OSMR: variants seen among roughly 807,000 people sequenced by gnomAD.
OSMR encodes the protein oncostatin M receptor.
In OSMR, 81 loss-of-function variants were observed where a neutral mutation model predicts 99.9. The ratio of observed to expected loss-of-function variants is 0.81; its 90% CI spans 0.68 to 0.97. The LOEUF (loss-of-function observed/expected upper bound fraction) is 0.97, where lower values mean the gene tolerates loss of function less well. Ranked by LOEUF, OSMR falls within the 50% of genes least tolerant of loss-of-function variation. The pLI, the probability that OSMR is intolerant of heterozygous loss-of-function variation, is 0.00. For missense variants in OSMR, 1,099 were observed against 1,153.4 expected, an observed-to-expected ratio of 0.95 and a Z score of 0.68; for synonymous variants, 406 against 410.4, an observed-to-expected ratio of 0.99 and a Z score of 0.13.
intron 7 of OSMR, among the ~76,000 whole-genome samples, chr5:38,890,498 G>A (rs1221537923): frequency 6.6e-6 from 1 of 152,064 alleles, no homozygotes; most frequent in East Asian, 1.9e-4. Flanking sequence ...CTAAGCAACT[G>A]CTAGCAAGGC....
intron 9 of OSMR, among the ~76,000 whole-genome samples, chr5:38,915,069 A>T (rs1219312860): frequency 6.6e-6 from 1 of 152,228 alleles, no homozygotes; most frequent in Non-Finnish European, 1.5e-5. Flanking sequence ...GATATGATTC[A>T]CTAAATTTGA....
Position 38,884,036 on chromosome 5 carries a change from G to C in OSMR, c.628G>C (p.Gly210Arg), listed in dbSNP as rs17855841. Residue 210 changes from glycine (G) to arginine (R), a missense_variant, in exon 5 of 18, where the codon GGG becomes CGG. Transcript: ENST00000274276. ...LNSVPFIRNK[G>R]TNIYCEASQG... Reference sequence around the variant, plus strand: ...TAGTGTGCCTTTCATTAGGAATAAAGGGACAAATATCTATTGTGAGGCAAG... The same window carrying C: ...TAGTGTGCCTTTCATTAGGAATAAACGGACAAATATCTATTGTGAGGCAAG... The C allele has an allele frequency of 6.2e-6, 10 of 1,613,882 alleles. No homozygotes were observed. Among genetic ancestry groups the C allele is most frequent in the South Asian group, 1.1e-5 (1 of 91,078 alleles).
chr5:38,868,852 C>A, intron 1 of OSMR, 180 bp from the exon 2 acceptor site: 2 of 239,672 alleles, frequency 8.3e-6, no homozygotes, highest in Non-Finnish European at 1.3e-5. Flanking sequence ...TCCCATGGGG[C>A]AGGGAAATAT....
At position 38,861,628 on chromosome 5, in the gene OSMR, G is replaced by C. The variant is rs557469188; in HGVS notation, c.-13-7404G>C. ...CATCCCGGCCCGCTCTCAATGAGCTGTTGGGTTCACCTCCCAGACGGGGTG... is the reference window on the plus strand; with the variant it reads ...CATCCCGGCCCGCTCTCAATGAGCTCTTGGGTTCACCTCCCAGACGGGGTG... On this transcript the variant is annotated intron_variant, in intron 1 of 17. Coordinates refer to ENST00000274276, the MANE Select transcript of OSMR (RefSeq NM_003999.3). Among the ~76,000 whole-genome samples the C allele has an allele frequency of 2.0e-5, 3 of 152,366 alleles. No homozygotes were observed. The East Asian group carries it at 5.8e-4, about 29-fold the overall frequency.
chr5:38,870,084 A>G (rs987748318), intron 2 of OSMR, among the ~76,000 whole-genome samples: 1 of 152,012 alleles, frequency 6.6e-6, no homozygotes, highest in African/African-American at 2.4e-5. Context: ...TCTGTCTGAC[A>G]TTCCTTTCAT....
At chr5:38,928,659 A>AT (rs1156881584) in intron 15 of OSMR, among the ~76,000 whole-genome samples, 1 of 152,090 alleles carries the variant, frequency 6.6e-6, no homozygotes, top group East Asian at 1.9e-4. Flanking sequence ...GGGAGCTACA[A>AT]TTTGAGATGA....
downstream of OSMR, chr5:38,939,990 C>G (rs1457049422): frequency 4.4e-6 from 1 of 225,410 alleles, no homozygotes; most frequent in Non-Finnish European, 8.8e-6. Flanking sequence ...CATGGAGAAA[C>G]CAAATAGCAC....
intron 15 of OSMR, 86 bp from the exon 16 acceptor site, chr5:38,931,797 T>C: frequency 1.3e-6 from 2 of 1,567,558 alleles, no homozygotes; most frequent in South Asian, 2.2e-5. Context: ...ACATGTAAAA[T>C]TACTTTCAAT....
At chr5:38,881,899 A>G (rs1561362327) in intron 4 of OSMR, 135 bp downstream of exon 4, 1 of 747,296 alleles carries the variant, frequency 1.3e-6, no homozygotes, top group Admixed American at 2.4e-5. Flanking sequence ...CTCCTATGGG[A>G]ACTAAAAAAC....
chr5:38,852,097 A>G (rs1361712957), intron 1 of OSMR, among the ~76,000 whole-genome samples: 1 of 152,198 alleles, frequency 6.6e-6, no homozygotes, highest in East Asian at 1.9e-4. Context: ...ATATTTTAGA[A>G]TATTTTTCCA....
rs55964556 is a variant in OSMR at position 38,930,920 on chromosome 5, T to TTGTGTGTG, written c.2213-925_2213-918dup. ...GGGAAGATGCCCTTGCAGAAGCATT[T>TTGTGTGTG]TGTGTGTGTGTGTGTGTGTGTGTGT... On this transcript the variant is annotated intron_variant, in intron 15 of 17. Coordinates refer to ENST00000274276, the MANE Select transcript of OSMR (RefSeq NM_003999.3). 7.5e-3 allele frequency among the ~76,000 whole-genome samples: 1,067 copies of TTGTGTGTG among 141,952 alleles called. 9 individuals carry two copies. The highest frequency in any genetic ancestry group is 0.023 in the East Asian group (109 of 4,752). The allele number at this position is 141,952 out of a possible 152,430, so 93.1% of individuals were successfully genotyped here.
At chr5:38,852,079 T>G (rs1315655028) in intron 1 of OSMR, among the ~76,000 whole-genome samples, 1 of 152,214 alleles carries the variant, frequency 6.6e-6, no homozygotes, top group African/African-American at 2.4e-5. Flanking sequence ...AACTAATACA[T>G]TCACTCAATA....
In OSMR at chr5:38,904,351, A is replaced by G; in HGVS notation, c.1135-2A>G. 1.9e-6 allele frequency: 3 copies of G among 1,613,814 alleles called. No homozygotes were observed. The highest frequency in any genetic ancestry group is 3.3e-5 in the Admixed American group (2 of 60,002). On this transcript the variant is annotated splice_acceptor_variant, in intron 8 of 17. Transcript: ENST00000274276. LOFTEE classifies it high-confidence loss of function. ...CTTTTCTTCTCTTTTTTGATCAAGC[A>G]GTACAATGTTTCCATCAAGGTGAAC...
At chr5:38,886,271 G>A (rs1329816298) in intron 7 of OSMR, 81 bp downstream of exon 7, 3 of 1,608,108 alleles carry the variant, frequency 1.9e-6, no homozygotes, top group South Asian at 2.2e-5. Flanking sequence ...TAAATGTGCT[G>A]TAGATCTTTG....
In OSMR at chr5:38,924,561, G is replaced by A. The variant is rs1340083491; in HGVS notation, c.2010G>A (p.Gln670=). The change falls in exon 14 of 18, where the codon CAG becomes CAA. Residue 670 remains glutamine, a synonymous_variant. Coordinates refer to ENST00000274276, the MANE Select transcript of OSMR (RefSeq NM_003999.3). ...TCTATCTGAAATCCAAGGCGAGGCA[G>A]TGCCACCCACGATTTGAAAAGGCAG... ...YHVYLKSKAR[Q]CHPRFEKAVL... is the part of the protein sequence containing the mutation. 3 of 1,613,922 alleles carry A rather than the reference G, an allele frequency of 1.9e-6. No individual in the cohort carries two copies. In the African/African-American group the frequency reaches 4.0e-5, roughly 22 times the overall value.
chr5:38,870,795 G>T (rs1742327817), intron 2 of OSMR, among the ~76,000 whole-genome samples: 1 of 152,190 alleles, frequency 6.6e-6, no homozygotes, highest in Non-Finnish European at 1.5e-5. Flanking sequence ...CTACTGGTTA[G>T]TTGAGTTGAC....
intron 9 of OSMR, among the ~76,000 whole-genome samples, chr5:38,905,840 A>C (rs1271287821): frequency 6.6e-6 from 1 of 152,136 alleles, no homozygotes; most frequent in Non-Finnish European, 1.5e-5. Flanking sequence ...GTATTTTATT[A>C]TTCTTCTTAT....
At chr5:38,869,356 A>G (rs1186962720) in intron 2 of OSMR, among the ~76,000 whole-genome samples, 2 of 152,210 alleles carry the variant, frequency 1.3e-5, no homozygotes, top group Non-Finnish European at 2.9e-5. Context: ...TGGTCAGTGC[A>G]CTGGTCATTA....
At chr5:38,926,118 A>G (rs1455764979) in intron 15 of OSMR, among the ~76,000 whole-genome samples, 1 of 152,232 alleles carries the variant, frequency 6.6e-6, no homozygotes. Context: ...GATGGAAGAA[A>G]GAGGAGAAAA....
Sources: allele counts gnomAD v4.1 joint callset (sites outside exome capture counted in the v4.1 genomes callset), GRCh38; gene constraint gnomAD v4.1.1; transcripts MANE v1.5; gene names NCBI Gene and HGNC (gene_info 2026-07-23, HGNC 2026-07-21).